Variants in NRXN1 observed in about 807,000 individuals in gnomAD.
NRXN1 encodes neurexin 1.
In NRXN1, 39 loss-of-function variants were observed where a neutral mutation model predicts 150.9. The ratio of observed to expected loss-of-function variants is 0.26; its 90% CI spans 0.20 to 0.34. The LOEUF (loss-of-function observed/expected upper bound fraction) is 0.34, where lower values mean the gene tolerates loss of function less well. Among genes scored for constraint, NRXN1 ranks in the 10% least tolerant of loss-of-function variants. NRXN1 has a pLI of 1.00. For synonymous variants in NRXN1, 924 were observed against 757.0 expected (o/e 1.22, Z -3.62); for missense variants, 1,815 against 1,949.9 (o/e 0.93, Z 1.30).
At chr2:50,548,644 C>A (rs1427417114) in intron 9 of NRXN1, among the ~76,000 whole-genome samples, 1 of 151,762 alleles carries the variant, frequency 6.6e-6, no homozygotes, top group African/African-American at 2.4e-5. Flanking sequence ...CTGCTATACC[C>A]AGGAATGTAC....
chr2:50,453,967 A>C (rs2087257655), intron 17 of NRXN1, among the ~76,000 whole-genome samples: 1 of 152,232 alleles, frequency 6.6e-6, no homozygotes, highest in South Asian at 2.1e-4. Context: ...AGTGGGAAAA[A>C]AGTAAAGTGA....
intron 5 of NRXN1, among the ~76,000 whole-genome samples, chr2:50,840,364 T>G: frequency 6.6e-6 from 1 of 152,172 alleles, no homozygotes; most frequent in Admixed American, 6.6e-5. Flanking sequence ...GATACACTTA[T>G]GATTAACATC....
At chr2:50,385,682 G>C (rs1302037041) in intron 17 of NRXN1, among the ~76,000 whole-genome samples, 2 of 152,064 alleles carry the variant, frequency 1.3e-5, no homozygotes. Flanking sequence ...CACAGCCTAA[G>C]AGCTGCCTTT....
intron 2 of NRXN1, among the ~76,000 whole-genome samples, chr2:50,989,582 C>G (rs1457025041): frequency 6.6e-6 from 1 of 151,882 alleles, no homozygotes; most frequent in Non-Finnish European, 1.5e-5. Context: ...GTTTCTTGCC[C>G]TTAGTGAAAA....
chr2:50,287,508 C>A (rs2072349412), intron 17 of NRXN1, among the ~76,000 whole-genome samples: 1 of 151,954 alleles, frequency 6.6e-6, no homozygotes, highest in African/African-American at 2.4e-5. Context: ...CCAGAGATCA[C>A]ATTGTCTGAA....
At chr2:50,758,220 A>G (rs1189220690) in intron 5 of NRXN1, 2 of 151,698 alleles carry the variant, frequency 1.3e-5, no homozygotes, top group Non-Finnish European at 2.9e-5. Flanking sequence ...CCTTTCCTAG[A>G]CTCTACTATG....
intron 17 of NRXN1, among the ~76,000 whole-genome samples, chr2:50,307,781 C>T (rs1045016431): frequency 6.6e-5 from 10 of 152,056 alleles, no homozygotes; most frequent in Non-Finnish European, 1.5e-4. Context: ...TTCAGAGGTT[C>T]CCTTTATCTT....
intron 2 of NRXN1, among the ~76,000 whole-genome samples, chr2:51,002,875 T>C (rs1450584727): frequency 6.6e-6 from 1 of 151,990 alleles, no homozygotes; most frequent in African/African-American, 2.4e-5. Context: ...GTAGATACTC[T>C]TTAAGATTTC....
At chr2:50,760,086 A>C (rs114649678) in intron 5 of NRXN1, among the ~76,000 whole-genome samples, 1,673 of 151,916 alleles carry the variant, frequency 0.011, 14 homozygotes, top group Non-Finnish European at 0.018. Context: ...TCATTTTTTA[A>C]AATCTCGCTG....
intron 5 of NRXN1, chr2:50,829,632 C>A: frequency 6.2e-7 from 1 of 1,611,942 alleles, no homozygotes; most frequent in Non-Finnish European, 8.5e-7. Flanking sequence ...ACTGGGGATT[C>A]CAGTAGCCAG....
At chr2:50,015,806 T>C (rs964181816) in intron 21 of NRXN1, among the ~76,000 whole-genome samples, 2 of 152,140 alleles carry the variant, frequency 1.3e-5, no homozygotes. Context: ...GCATGTTTTT[T>C]TTCCATTCCA....
At chr2:50,612,644 T>C (rs966911404) in intron 8 of NRXN1, among the ~76,000 whole-genome samples, 3 of 152,210 alleles carry the variant, frequency 2.0e-5, no homozygotes, top group African/African-American at 7.2e-5. Context: ...ACTTTTCATG[T>C]ACATTTGTAT....
intron 15 of NRXN1, among the ~76,000 whole-genome samples, chr2:50,487,964 TAAAC>T (rs1174663478): frequency 1.3e-5 from 2 of 152,158 alleles, no homozygotes; most frequent in African/African-American, 2.4e-5. Flanking sequence ...TCCCTATGTA[TAAAC>T]AAAGTCTCTG....
At chr2:50,491,788 G>A (rs2091270037) in intron 15 of NRXN1, among the ~76,000 whole-genome samples, 1 of 152,118 alleles carries the variant, frequency 6.6e-6, no homozygotes, top group African/African-American at 2.4e-5. Flanking sequence ...CCCCTATCAA[G>A]TAAACTATAT....
At chr2:50,664,031 A>G (rs569002936) in intron 5 of NRXN1, among the ~76,000 whole-genome samples, 2 of 152,090 alleles carry the variant, frequency 1.3e-5, no homozygotes, top group Admixed American at 6.6e-5. Flanking sequence ...TACTATGGTC[A>G]GGCACTTGCT....
intron 18 of NRXN1, among the ~76,000 whole-genome samples, chr2:50,229,975 C>A (rs1038874905): frequency 2.6e-5 from 4 of 151,970 alleles, no homozygotes; most frequent in African/African-American, 9.7e-5. Context: ...TGAAGCCATT[C>A]TATAAAATAG....
intron 5 of NRXN1, among the ~76,000 whole-genome samples, chr2:50,718,590 G>A (rs1306636342): frequency 6.6e-6 from 1 of 152,148 alleles, no homozygotes; most frequent in Non-Finnish European, 1.5e-5. Context: ...TTGACAATGA[G>A]TACAAAGCTA....
At chr2:50,423,233 C>T (rs1395653783) in intron 17 of NRXN1, among the ~76,000 whole-genome samples, 1 of 152,146 alleles carries the variant, frequency 6.6e-6, no homozygotes, top group African/African-American at 2.4e-5. Flanking sequence ...ATCTAACTCT[C>T]ATAGCTAGAA....
chr2:50,157,297 G>A (rs112655479), intron 18 of NRXN1, among the ~76,000 whole-genome samples: 3,725 of 152,094 alleles, frequency 0.024, 63 homozygotes, highest in South Asian at 0.051. Context: ...CATTGTATCT[G>A]CGTCTTAACT....
Sources: gnomAD v4.1 joint callset for allele counts (sites outside exome capture counted in the v4.1 genomes callset) on GRCh38, gnomAD v4.1.1 for gene constraint, MANE v1.5 for transcripts, NCBI Gene and HGNC (gene_info 2026-07-23, HGNC 2026-07-21) for gene names.